The following ARHGAP15 variants were observed in gnomAD, a reference collection of about 807,000 sequenced individuals.
ARHGAP15 encodes Rho GTPase activating protein 15.
A neutral mutation model predicts 63.7 loss-of-function variants in ARHGAP15; 51 were observed. That is an observed-to-expected ratio of 0.80 (90% CI 0.64 to 1.01). The LOEUF is 1.01. ARHGAP15 is among the 50% of genes least tolerant of loss of function. The probability of loss-of-function intolerance (pLI) is 0.00; values close to 1 mark genes in which losing one functional copy is unlikely to be tolerated. For missense variants in ARHGAP15, 560 were observed against 564.6 expected (o/e 0.99, Z 0.08); for synonymous variants, 191 against 193.8 (o/e 0.99, Z 0.12).
intron 6 of ARHGAP15, among the ~76,000 whole-genome samples, chr2:143,346,708 A>T (rs1685316949): frequency 6.6e-6 from 1 of 152,124 alleles, no homozygotes; most frequent in Non-Finnish European, 1.5e-5. Context: ...TTGCAAAAAG[A>T]GACTTCACAT....
chr2:143,703,429 CA>C lies in ARHGAP15; in HGVS notation c.1151del (p.Asn384ThrfsTer8). ...QFVEAIKKQD[N>X]NTRIEAVKSL... is the part of the protein sequence containing the mutation. ...TATTTTTTTTTCCAGAAAAGCAAGACAACAACACAAGAATTGAAGCTGTAAA... is the reference window on the plus strand; with the variant it reads ...TATTTTTTTTTCCAGAAAAGCAAGACACAACACAAGAATTGAAGCTGTAAA... On this transcript the variant is annotated frameshift_variant, in exon 13 of 14. Coordinates refer to ENST00000295095, the MANE Select transcript of ARHGAP15 (RefSeq NM_018460.4). LOFTEE classifies it high-confidence loss of function. The C allele has an allele frequency of 6.2e-7, 1 of 1,606,876 alleles. No homozygotes were observed. The highest frequency in any genetic ancestry group is 8.5e-7 in the Non-Finnish European group (1 of 1,177,778).
chr2:143,673,784 A>ATATATATATATATATATATATATATATAT (rs71404481), intron 12 of ARHGAP15, among the ~76,000 whole-genome samples: 5 of 114,206 alleles, frequency 4.4e-5, no homozygotes, highest in Non-Finnish European at 7.7e-5. Context: ...ATATATATAT[A>ATATATATATATATATATATATATATATAT]AACAACTCCT....
intron 11 of ARHGAP15, among the ~76,000 whole-genome samples, chr2:143,577,731 G>A (rs999996326): frequency 6.6e-6 from 1 of 152,052 alleles, no homozygotes; most frequent in African/African-American, 2.4e-5. Flanking sequence ...CACTCACTGT[G>A]GCTAAGGAAA....
At chr2:143,322,543 A>T (rs1684072722) in intron 6 of ARHGAP15, among the ~76,000 whole-genome samples, 1 of 152,208 alleles carries the variant, frequency 6.6e-6, no homozygotes, top group Non-Finnish European at 1.5e-5. Context: ...AACAAAAGGG[A>T]TATTCTTAAT....
At chr2:143,372,111 A>C (rs541890576) in intron 6 of ARHGAP15, among the ~76,000 whole-genome samples, 3 of 152,028 alleles carry the variant, frequency 2.0e-5, no homozygotes, top group African/African-American at 7.2e-5. Flanking sequence ...AGGCTGAGGC[A>C]GGAGGATCAC....
At chr2:143,247,284 G>A (rs892164359) in intron 5 of ARHGAP15, 1 of 152,378 alleles carries the variant, frequency 6.6e-6, no homozygotes, top group Admixed American at 6.5e-5. Flanking sequence ...CTGGTAGCAA[G>A]AGGTTGTGGT....
At chr2:143,403,261 A>G (rs1688064183) in intron 6 of ARHGAP15, among the ~76,000 whole-genome samples, 2 of 151,626 alleles carry the variant, frequency 1.3e-5, no homozygotes, top group Admixed American at 1.3e-4. Context: ...TCTTGTATTA[A>G]TTTGGAGACC....
At chr2:143,680,904 A>G (rs926799909) in intron 12 of ARHGAP15, among the ~76,000 whole-genome samples, 1 of 152,234 alleles carries the variant, frequency 6.6e-6, no homozygotes, top group Non-Finnish European at 1.5e-5. Flanking sequence ...ACAGATTACT[A>G]CCTTTGATAA....
chr2:143,140,855 G>A (rs1689331699), intron 1 of ARHGAP15, among the ~76,000 whole-genome samples: 1 of 152,116 alleles, frequency 6.6e-6, no homozygotes, highest in Non-Finnish European at 1.5e-5. Flanking sequence ...CAAAATGCTG[G>A]GAAGACAACC....
At chr2:143,384,988 A>G (rs556670446) in intron 6 of ARHGAP15, among the ~76,000 whole-genome samples, 1 of 152,298 alleles carries the variant, frequency 6.6e-6, no homozygotes, top group Non-Finnish European at 1.5e-5. Flanking sequence ...ACAAAAGCCC[A>G]TACTGTCAAG....
chr2:143,318,535 T>TTC (rs1254371914), intron 6 of ARHGAP15, among the ~76,000 whole-genome samples: 11 of 123,396 alleles, frequency 8.9e-5, no homozygotes, highest in Admixed American at 1.7e-4. Context: ...TTTTTTTTTT[T>TTC]CGAACAGTCA....
At chr2:143,490,953 A>G (rs891260278) in intron 9 of ARHGAP15, among the ~76,000 whole-genome samples, 2 of 152,214 alleles carry the variant, frequency 1.3e-5, no homozygotes, top group African/African-American at 4.8e-5. Context: ...CTTTAATATG[A>G]CTAAAGAGAA....
intron 8 of ARHGAP15, among the ~76,000 whole-genome samples, chr2:143,468,202 A>G (rs1691329366): frequency 6.6e-6 from 1 of 151,798 alleles, no homozygotes; most frequent in Admixed American, 6.6e-5. Context: ...TTTTTCTAGC[A>G]ACATTTCCAT....
At chr2:143,360,219 TA>T (rs34612735) in intron 6 of ARHGAP15, among the ~76,000 whole-genome samples, 28,944 of 137,766 alleles carry the variant, frequency 0.21, 3,237 homozygotes, top group Non-Finnish European at 0.27. Context: ...TACAAGGAAT[TA>T]AAAAAAAAAA....
intron 11 of ARHGAP15, among the ~76,000 whole-genome samples, chr2:143,622,507 C>T (rs1027365796): frequency 1.2e-4 from 18 of 152,196 alleles, no homozygotes; most frequent in African/African-American, 4.1e-4. Flanking sequence ...TGCTAAGATG[C>T]TGTCGGCCTA....
chr2:143,154,650 G>A (rs979382867), intron 1 of ARHGAP15, among the ~76,000 whole-genome samples: 1 of 151,896 alleles, frequency 6.6e-6, no homozygotes, highest in Non-Finnish European at 1.5e-5. Context: ...TTCACTTGAG[G>A]AACTTTTGGG....
chr2:143,392,325 C>T (rs1293320170), intron 6 of ARHGAP15, among the ~76,000 whole-genome samples: 1 of 152,042 alleles, frequency 6.6e-6, no homozygotes, highest in Non-Finnish European at 1.5e-5. Flanking sequence ...ATTATCCTGC[C>T]AAGTCTTTTG....
intron 11 of ARHGAP15, among the ~76,000 whole-genome samples, chr2:143,572,424 T>C (rs1461912506): frequency 6.6e-6 from 1 of 152,076 alleles, no homozygotes; most frequent in Non-Finnish European, 1.5e-5. Context: ...CCCTCTCCCT[T>C]TCCCTTGCCC....
intron 12 of ARHGAP15, among the ~76,000 whole-genome samples, chr2:143,674,230 A>C (rs764369332): frequency 7.9e-5 from 12 of 152,270 alleles, no homozygotes; most frequent in Non-Finnish European, 1.3e-4. Context: ...ATAGCCAAAA[A>C]CTGAAAAATG....
Sources: gnomAD v4.1 joint callset for allele counts (sites outside exome capture counted in the v4.1 genomes callset) on GRCh38, gnomAD v4.1.1 for gene constraint, MANE v1.5 for transcripts, NCBI Gene and HGNC (gene_info 2026-07-23, HGNC 2026-07-21) for gene names.